SYT14: variants seen among roughly 807,000 people sequenced by gnomAD.
SYT14 encodes synaptotagmin-14.
A neutral mutation model predicts 74.2 loss-of-function variants in SYT14; 32 were observed. The observed-to-expected ratio is 0.43, with a 90% CI of 0.33 to 0.58. The LOEUF (loss-of-function observed/expected upper bound fraction) is 0.58, where lower values mean the gene tolerates loss of function less well. SYT14 is among the 20% of genes least tolerant of loss of function. The probability of loss-of-function intolerance (pLI) is 0.05; values close to 1 mark genes in which losing one functional copy is unlikely to be tolerated. For synonymous variants in SYT14, 298 were observed against 337.7 expected, an observed-to-expected ratio of 0.88 and a Z score of 1.29; for missense variants, 791 against 981.8, an observed-to-expected ratio of 0.81 and a Z score of 2.60.
At chr1:210,136,753 C>G (rs1197712806) in intron 7 of SYT14, among the ~76,000 whole-genome samples, 5 of 152,152 alleles carry the variant, frequency 3.3e-5, no homozygotes, top group Non-Finnish European at 5.9e-5. Flanking sequence ...ACCGTAGCCT[C>G]TGGTGGTGCC....
chr1:210,030,960 T>C (rs1435568741), intron 5 of SYT14, among the ~76,000 whole-genome samples: 3 of 149,296 alleles, frequency 2.0e-5, no homozygotes, highest in Non-Finnish European at 4.4e-5. Flanking sequence ...AGGTTCTCAC[T>C]CATTTGCCCA....
chr1:209,997,521 C>G (rs1295772944), intron 2 of SYT14, among the ~76,000 whole-genome samples: 1 of 152,004 alleles, frequency 6.6e-6, no homozygotes, highest in East Asian at 1.9e-4. Flanking sequence ...GAATTAATAT[C>G]GTTAAAATGG....
intron 2 of SYT14, among the ~76,000 whole-genome samples, chr1:209,998,093 A>G (rs578071741): frequency 4.6e-5 from 7 of 152,116 alleles, no homozygotes; most frequent in Non-Finnish European, 7.4e-5. Context: ...TACACAGGAA[A>G]AAAGTATTAA....
intron 1 of SYT14, among the ~76,000 whole-genome samples, chr1:209,945,389 T>G (rs1156899829): frequency 3.9e-5 from 6 of 152,154 alleles, no homozygotes; most frequent in Non-Finnish European, 5.9e-5. Flanking sequence ...TATTATTCCT[T>G]GAATGGTCTA....
At chr1:209,993,753 C>A (rs1432405671) in intron 2 of SYT14, among the ~76,000 whole-genome samples, 1 of 152,144 alleles carries the variant, frequency 6.6e-6, no homozygotes. Context: ...ATCTCTTCTC[C>A]TTCCCCTCTC....
At position 210,049,842 on chromosome 1, in the gene SYT14, A is replaced by T. The variant is rs371450165; in HGVS notation, c.1312+28588A>T. 5.9e-5 allele frequency among the ~76,000 whole-genome samples: 9 copies of T among 152,280 alleles called. No homozygotes were observed. In the East Asian group the frequency reaches 1.7e-3, roughly 29 times the overall value. On this transcript the variant is annotated intron_variant, in intron 5 of 9. Coordinates refer to ENST00000637265, the Ensembl canonical transcript of SYT14. Reference sequence around the variant, plus strand: ...TTCAGCCACGGATGGAGCAGCTGTGATGCAGGGTATTGAGTCCCTAGGCTG... The same window carrying T: ...TTCAGCCACGGATGGAGCAGCTGTGTTGCAGGGTATTGAGTCCCTAGGCTG...
chr1:210,035,208 C>T (rs980914464), intron 5 of SYT14, among the ~76,000 whole-genome samples: 2 of 151,660 alleles, frequency 1.3e-5, no homozygotes, highest in African/African-American at 2.4e-5. Context: ...AAATGTACAC[C>T]TTCTTTTGCA....
At chr1:210,169,221 G>GTTTTGTTTTTTTT (rs2083492384) in exon 10 of SYT14, 4 of 50,248 alleles carry the variant, frequency 8.0e-5, no homozygotes, top group African/African-American at 2.3e-4. Context: ...TGTTTTTGGT[G>GTTTTGTTTTTTTT]TTTTTTTTTT....
At chr1:210,150,647 A>G (rs993045385) in intron 7 of SYT14, among the ~76,000 whole-genome samples, 1 of 152,348 alleles carries the variant, frequency 6.6e-6, no homozygotes, top group Middle Eastern at 3.4e-3. Flanking sequence ...TCAGAAAAGT[A>G]TAATGGAAGC....
At chr1:210,124,960 T>C (rs2082538387) in intron 7 of SYT14, among the ~76,000 whole-genome samples, 1 of 152,190 alleles carries the variant, frequency 6.6e-6, no homozygotes, top group Non-Finnish European at 1.5e-5. Flanking sequence ...TAAACACATT[T>C]GTGCATGATT....
intron 7 of SYT14, 78 bp downstream of exon 6, chr1:210,100,539 C>A: frequency 7.1e-7 from 1 of 1,416,878 alleles, no homozygotes; most frequent in Non-Finnish European, 9.9e-7. Flanking sequence ...AATCTTTAAT[C>A]AAGCCAACAA....
intron 5 of SYT14, among the ~76,000 whole-genome samples, chr1:210,082,203 T>C (rs1464898837): frequency 6.6e-6 from 1 of 152,210 alleles, no homozygotes; most frequent in Non-Finnish European, 1.5e-5. Flanking sequence ...AGTTTTAAGT[T>C]GTATTGGAAA....
chr1:210,109,416 A>G (rs1436311483), intron 7 of SYT14, among the ~76,000 whole-genome samples: 1 of 152,066 alleles, frequency 6.6e-6, no homozygotes, highest in African/African-American at 2.4e-5. Flanking sequence ...CGTCGCTAAT[A>G]AAACACAAAA....
chr1:209,996,548 A>G (rs926463602), intron 2 of SYT14, among the ~76,000 whole-genome samples: 1 of 152,098 alleles, frequency 6.6e-6, no homozygotes, highest in African/African-American at 2.4e-5. Context: ...ACTGGTGCCA[A>G]TCCTACTGAA....
chr1:209,976,535 G>A (rs2079368432), intron 2 of SYT14, among the ~76,000 whole-genome samples: 1 of 151,778 alleles, frequency 6.6e-6, no homozygotes, highest in South Asian at 2.1e-4. Flanking sequence ...TCTTAATCCT[G>A]AGTTCTAGTT....
intron 7 of SYT14, among the ~76,000 whole-genome samples, chr1:210,109,372 G>A (rs1352519210): frequency 2.0e-5 from 3 of 152,066 alleles, no homozygotes; most frequent in Non-Finnish European, 4.4e-5. Context: ...AAGGTCAGGA[G>A]GTTGAAACCA....
intron 2 of SYT14, among the ~76,000 whole-genome samples, chr1:209,995,943 A>G (rs2102859455): frequency 6.6e-6 from 1 of 152,304 alleles, no homozygotes; most frequent in East Asian, 1.9e-4. Context: ...AAATGGAGAC[A>G]CATCTTACTA....
At chr1:209,955,826 T>C (rs2078983424) in intron 2 of SYT14, among the ~76,000 whole-genome samples, 1 of 152,168 alleles carries the variant, frequency 6.6e-6, no homozygotes, top group Non-Finnish European at 1.5e-5. Flanking sequence ...CTGGGTGTAA[T>C]CCATTGTGGT....
At chr1:210,086,438 G>T (rs1179792121) in intron 5 of SYT14, among the ~76,000 whole-genome samples, 1 of 151,762 alleles carries the variant, frequency 6.6e-6, no homozygotes, top group Non-Finnish European at 1.5e-5. Flanking sequence ...TATTTATTTT[G>T]AGCTCAGATG....
Sources: allele counts gnomAD v4.1 joint callset (sites outside exome capture counted in the v4.1 genomes callset), GRCh38; gene constraint gnomAD v4.1.1; transcripts MANE v1.5; gene names NCBI Gene and HGNC (gene_info 2026-07-23, HGNC 2026-07-21).